ZMYM2: variants seen among roughly 807,000 people sequenced by gnomAD.
The protein encoded by ZMYM2 is zinc finger MYM-type protein 2.
ZMYM2 carries 56 observed loss-of-function variants against 162.8 expected under a neutral mutation model. The ratio of observed to expected loss-of-function variants is 0.34; its 90% CI spans 0.28 to 0.43. The LOEUF (loss-of-function observed/expected upper bound fraction) is 0.43, where lower values mean the gene tolerates loss of function less well. ZMYM2 is among the 20% of genes least tolerant of loss of function. The probability of loss-of-function intolerance (pLI) is 1.00; values close to 1 mark genes in which losing one functional copy is unlikely to be tolerated. For missense variants in ZMYM2, 1,275 were observed against 1,621.8 expected, an observed-to-expected ratio of 0.79 and a Z score of 3.67; for synonymous variants, 510 against 541.6, an observed-to-expected ratio of 0.94 and a Z score of 0.81.
intron 21 of ZMYM2, among the ~76,000 whole-genome samples, chr13:20,075,974 G>GGACAATGGCAGTACAAGGGCA (rs1566464572): frequency 2.7e-5 from 4 of 150,758 alleles, no homozygotes; most frequent in African/African-American, 7.5e-5. Context: ...AGGATTACAG[G>GGACAATGGCAGTACAAGGGCA]CATGAGCCAC....
intron 12 of ZMYM2, among the ~76,000 whole-genome samples, chr13:20,039,601 G>A (rs1954049730): frequency 6.6e-6 from 1 of 151,560 alleles, no homozygotes; most frequent in South Asian, 2.1e-4. Flanking sequence ...ACCCTCCCGA[G>A]TAGCTGGGAC....
At chr13:19,893,609 G>A in the ZMYM2 span, among the ~76,000 whole-genome samples, 14 of 151,680 alleles carry the variant, frequency 9.2e-5, no homozygotes, top group Non-Finnish European at 1.3e-4. Context: ...GCGTGGTGGC[G>A]GGTGCCTGTA....
chr13:19,942,173 G>A, the ZMYM2 span, among the ~76,000 whole-genome samples: 22 of 152,054 alleles, frequency 1.4e-4, no homozygotes, highest in Non-Finnish European at 2.5e-4. Context: ...AGCTTCATGT[G>A]TAAGAAATTT....
In ZMYM2 at chr13:20,034,271, C is replaced by G; in HGVS notation, c.1986C>G (p.Phe662Leu). The G allele has an allele frequency of 6.2e-7, 1 of 1,602,106 alleles. No individual in the cohort carries two copies. The highest frequency in any genetic ancestry group is 8.5e-7 in the Non-Finnish European group (1 of 1,175,364). The change falls in exon 11 of 25, where the codon TTC becomes TTG. Residue 662 changes from phenylalanine (F) to leucine (L), a missense_variant. Phe to Leu is a conservative substitution (Grantham distance 22). Around this residue, in one of 10 missense-constraint regions of ZMYM2, gnomAD observed 276 missense variants for 311.8 expected, o/e 0.89. Coordinates refer to ENST00000610343, the MANE Select transcript of ZMYM2 (RefSeq NM_197968.4). ...ILEWENKVHQ[F>L]CSKTCSDDYK... Reference sequence around the variant, plus strand: ...GCATTTAGAACAAAGTGCATCAGTTCTGCAGCAAAACTTGTTCAGATGACT... The same window carrying G: ...GCATTTAGAACAAAGTGCATCAGTTGTGCAGCAAAACTTGTTCAGATGACT...
chr13:19,979,588 T>C (rs1957128458), intron 2 of ZMYM2, among the ~76,000 whole-genome samples: 1 of 152,164 alleles, frequency 6.6e-6, no homozygotes, highest in African/African-American at 2.4e-5. Flanking sequence ...CTGTGATAGA[T>C]GCTACAGGGA....
At chr13:19,897,443 T>G in the ZMYM2 span, among the ~76,000 whole-genome samples, 2 of 152,074 alleles carry the variant, frequency 1.3e-5, no homozygotes, top group African/African-American at 4.8e-5. Context: ...CGTGAAAGCA[T>G]GTCCCTCGTG....
At chr13:19,967,967 G>GTGCTTTATCCTCCATCGAGATAAAAA (rs1955955550) in intron 2 of ZMYM2, among the ~76,000 whole-genome samples, 3 of 152,082 alleles carry the variant, frequency 2.0e-5, no homozygotes, top group Non-Finnish European at 4.4e-5. Flanking sequence ...TTAGTCTGCA[G>GTGCTTTATCCTCCATCGAGATAAAAA]TGCTTTATCC....
the ZMYM2 span, among the ~76,000 whole-genome samples, chr13:19,936,614 C>T: frequency 3.8e-3 from 577 of 152,052 alleles, 4 homozygotes; most frequent in Middle Eastern, 6.8e-3. Flanking sequence ...CCCAGCTACT[C>T]GAGAGGCTGA....
chr13:19,953,887 AAAG>A (rs1346115109), upstream of ZMYM2, among the ~76,000 whole-genome samples: 1 of 151,718 alleles, frequency 6.6e-6, no homozygotes, highest in Non-Finnish European at 1.5e-5. Flanking sequence ...ATTTATTTAA[AAAG>A]AAGGGCTAAA....
At chr13:20,047,121 G>A (rs1954898111) in intron 12 of ZMYM2, among the ~76,000 whole-genome samples, 1 of 152,198 alleles carries the variant, frequency 6.6e-6, no homozygotes, top group African/African-American at 2.4e-5. Context: ...CAATGCTGAT[G>A]TTTCTGTACG....
chr13:19,986,190 C>CTT (rs141221671), intron 2 of ZMYM2, among the ~76,000 whole-genome samples: 15,602 of 151,676 alleles, frequency 0.1, 1,308 homozygotes, highest in African/African-American at 0.22. Context: ...GAGCCAGACT[C>CTT]TCTCAAAAAA....
At chr13:20,051,929 C>A (rs1566402415) in intron 13 of ZMYM2, among the ~76,000 whole-genome samples, 1 of 152,118 alleles carries the variant, frequency 6.6e-6, no homozygotes, top group South Asian at 2.1e-4. Flanking sequence ...TTATTTTTAG[C>A]AAATCGTATT....
Position 20,055,272 on chromosome 13 carries a change from C to G in ZMYM2, c.2493+2961C>G, listed in dbSNP as rs372503141. 5.9e-5 allele frequency among the ~76,000 whole-genome samples: 9 copies of G among 152,210 alleles called. No homozygotes were observed. The South Asian group carries it at 1.9e-3, about 32-fold the overall frequency. On this transcript the variant is annotated intron_variant, in intron 14 of 24. Transcript: ENST00000610343. ...TACCCACCAAAATTTATTTGTAACC[C>G]CTTAATCGATACTTAAGTGCTTTCA...
Position 19,993,228 on chromosome 13 carries a change from G to T in ZMYM2, c.156G>T (p.Ser52=), listed in dbSNP as rs1450705750. ...CTAGATCTAATAAGTTTCAGAACTC[G>T]TCAGTGGAAGATGATGATGATGTTG... ...LVSRSNKFQN[S]SVEDDDDVVF... is the part of the protein sequence containing the mutation. Residue 52 remains serine, a synonymous_variant, in exon 3 of 25, where the codon TCG becomes TCT. Transcript: ENST00000610343. 1 of 1,613,932 alleles carries T rather than the reference G, an allele frequency of 6.2e-7. No homozygotes were observed. The highest frequency in any genetic ancestry group is 8.5e-7 in the Non-Finnish European group (1 of 1,179,880).
chr13:19,872,098 T>C, the ZMYM2 span, among the ~76,000 whole-genome samples: 1 of 151,832 alleles, frequency 6.6e-6, no homozygotes, highest in East Asian at 1.9e-4. Context: ...GCTTCTAGAG[T>C]AGCTGGGATT....
chr13:20,065,737 C>T (rs1593199659), intron 19 of ZMYM2, among the ~76,000 whole-genome samples: 2 of 152,276 alleles, frequency 1.3e-5, no homozygotes, highest in Admixed American at 1.3e-4. Context: ...GATCGTGCCA[C>T]TGCACTCCAG....
At chr13:19,998,536 A>G (rs1346571885) in intron 3 of ZMYM2, among the ~76,000 whole-genome samples, 1 of 152,164 alleles carries the variant, frequency 6.6e-6, no homozygotes, top group East Asian at 1.9e-4. Flanking sequence ...TCCTTTCTTA[A>G]GATGGAATTA....
intron 2 of ZMYM2, among the ~76,000 whole-genome samples, chr13:19,965,723 T>A (rs2139156647): frequency 6.6e-6 from 1 of 152,234 alleles, no homozygotes; most frequent in Non-Finnish European, 1.5e-5. Context: ...TGTCATATCT[T>A]ATTTTAATCA....
chr13:20,084,051 C>T (rs1006040133), intron 24 of ZMYM2, among the ~76,000 whole-genome samples: 1 of 152,162 alleles, frequency 6.6e-6, no homozygotes, highest in Non-Finnish European at 1.5e-5. Context: ...GCTCTCTCAC[C>T]GAGGCTGGAG....
Sources: gnomAD v4.1 joint callset for allele counts (sites outside exome capture counted in the v4.1 genomes callset) on GRCh38, gnomAD v4.1.1 for gene constraint, gnomAD v4.1.1 regional missense constraint, MANE v1.5 for transcripts, NCBI Gene and HGNC (gene_info 2026-07-23, HGNC 2026-07-21) for gene names.